PIGT: variants seen among roughly 807,000 people sequenced by gnomAD.
The protein encoded by PIGT is phosphatidylinositol glycan anchor biosynthesis class T, also known as GPI-anchor transamidase component PIGT.
In PIGT, 57 loss-of-function variants were observed where a neutral mutation model predicts 66.7. The ratio of observed to expected loss-of-function variants is 0.86; its 90% CI spans 0.69 to 1.07. The LOEUF is 1.07. Among genes scored for constraint, PIGT ranks in the 50% least tolerant of loss-of-function variants. PIGT has a pLI of 0.00. For missense variants in PIGT, 725 were observed against 740.4 expected, an observed-to-expected ratio of 0.98 and a Z score of 0.24; for synonymous variants, 362 against 320.5, an observed-to-expected ratio of 1.13 and a Z score of -1.38.
At chr20:45,420,939 A>C (rs1192610717) in intron 8 of PIGT, 1 of 575,684 alleles carries the variant, frequency 1.7e-6, no homozygotes, top group Non-Finnish European at 3.1e-6. Context: ...TGAAAAATGG[A>C]GTTAGTTCAT....
intron 9 of PIGT, chr20:45,422,778 C>T (rs1990448557): frequency 6.6e-6 from 1 of 152,170 alleles, no homozygotes; most frequent in African/African-American, 2.4e-5. Flanking sequence ...CCTTTAAATA[C>T]TTTAAGGATT....
At position 45,418,620 on chromosome 20, in the gene PIGT, C is replaced by T. The variant is rs148053052; in HGVS notation, c.366-232C>T. 6.3e-4 allele frequency: 312 copies of T among 496,110 alleles called. 1 individual carries two copies. Among genetic ancestry groups the T allele is most frequent in the Non-Finnish European group, 8.3e-4 (225 of 270,084 alleles). 30.7% of individuals were successfully genotyped at this position (496,110 alleles called of 1,614,324 possible). A position where few individuals can be genotyped will look rare whatever the true frequency, so the allele number is the denominator to read the frequency against. ...GAAGGAAGAATCACCTGAGCAGAGA[C>T]CCATGGGGATGCAGAGATGTCCAGA... On this transcript the variant is annotated intron_variant, in intron 2 of 11. Transcript: ENST00000279036.
Position 45,424,555 on chromosome 20 carries a change from AAG to A in PIGT, c.1465_1466del (p.Phe492GlnfsTer8), listed in dbSNP as rs1367941996. The A allele has an allele frequency of 2.5e-6, 4 of 1,613,894 alleles. No individual in the cohort carries two copies. Among genetic ancestry groups the A allele is most frequent in the African/African-American group, 2.7e-5 (2 of 74,898 alleles). On this transcript the variant is annotated frameshift_variant, in exon 11 of 12. Coordinates refer to ENST00000279036, the MANE Select transcript of PIGT (RefSeq NM_015937.6). LOFTEE classifies it high-confidence loss of function. The stretch of plus-strand genomic sequence containing the variant: ...GTAGCAGCCAAGCCAGTGGACTGGG[AAG>A]AGAGTCCCCTCTTCAACAGCCTGTA...
Position 45,416,579 on chromosome 20 carries a change from G to T in PIGT, c.250G>T (p.Glu84Ter), listed in dbSNP as rs756632799. 1.2e-5 allele frequency: 20 copies of T among 1,614,056 alleles called. No homozygotes were observed. The East Asian group carries it at 4.5e-4, about 36-fold the overall frequency. Residue 84 changes from glutamate to a stop codon, truncating the protein, a stop_gained, in exon 2 of 12, where the codon GAG (glutamate) becomes TAG (stop). Coordinates refer to ENST00000279036, the MANE Select transcript of PIGT (RefSeq NM_015937.6). LOFTEE classifies it high-confidence loss of function. The part of the protein sequence containing the change: ...GQLISKYSLR[E>*]LHLSFTQGFW... The stretch of plus-strand genomic sequence containing the variant: ...GCTGATCTCCAAGTATTCTCTACGG[G>T]AGCTGCACCTGTCATTCACACAAGG...
At chr20:45,421,053 A>G (rs1990328962) in intron 8 of PIGT, 1 of 510,758 alleles carries the variant, frequency 2.0e-6, no homozygotes, top group African/African-American at 1.9e-5. Flanking sequence ...TAAGTCTACT[A>G]GCTAGGGCAG....
Position 45,416,638 on chromosome 20 carries a change from C to A in PIGT, c.309C>A (p.Phe103Leu), listed in dbSNP as rs747604533. 7 of 1,614,038 alleles carry A rather than the reference C, an allele frequency of 4.3e-6. No homozygotes were observed. Among genetic ancestry groups the A allele is most frequent in the Non-Finnish European group, 5.9e-6 (7 of 1,180,036 alleles). Residue 103 changes from phenylalanine to leucine, a missense_variant, in exon 2 of 12, where the codon TTC (phenylalanine) becomes TTA (leucine). Physicochemically the swap from Phe to Leu is conservative, Grantham distance 22. Coordinates refer to ENST00000279036, the MANE Select transcript of PIGT (RefSeq NM_015937.6). ...FWRTRYWGPP[F>L]LQAPSGAELW... The stretch of plus-strand genomic sequence containing the variant: ...GGACCCGATACTGGGGGCCACCCTT[C>A]CTGCAGGCCCCATCAGGTGCAGAGC...
intron 8 of PIGT, 190 bp from the exon 9 acceptor site, chr20:45,421,193 C>T (rs1265295755): frequency 3.3e-6 from 2 of 600,330 alleles, no homozygotes; most frequent in Non-Finnish European, 2.9e-6. Flanking sequence ...ATACTAGCAA[C>T]CTATTGTCAT....
chr20:45,420,422 A>G lies in PIGT; in HGVS notation c.860A>G (p.Tyr287Cys). The stretch of plus-strand genomic sequence containing the variant: ...CGAGTCTATGTGGACATCACCACCT[A>G]CAACCAGGTAACAAGGTCTCCAGCC... Reference protein sequence around the residue: ...ESRVYVDITTYNQDNETLEVH... With the variant: ...ESRVYVDITTCNQDNETLEVH... The change falls in exon 7 of 12, where the codon TAC becomes TGC. Residue 287 changes from tyrosine (Y) to cysteine (C), a missense_variant. Transcript: ENST00000279036. 1 of 1,613,086 alleles carries G rather than the reference A, an allele frequency of 6.2e-7. No individual in the cohort carries two copies. Among genetic ancestry groups the G allele is most frequent in the Non-Finnish European group, 8.5e-7 (1 of 1,179,522 alleles).
In PIGT at chr20:45,420,583, T is replaced by TC; in HGVS notation, c.925dup (p.Leu309ProfsTer11). The TC allele has an allele frequency of 6.2e-7, 1 of 1,613,686 alleles. No individual in the cohort carries two copies. The highest frequency in any genetic ancestry group is 2.2e-5 in the East Asian group (1 of 44,768). On this transcript the variant is annotated frameshift_variant, in exon 8 of 12. Transcript: ENST00000279036. LOFTEE classifies it high-confidence loss of function. ...CCGACCACTACATATCAGGACGTCA[T>TC]CCTAGGCACTCGGAAGACCTATGCC...
intron 8 of PIGT, 28 bp from the exon 9 acceptor site, chr20:45,421,355 T>A (rs781371690): frequency 6.3e-7 from 1 of 1,593,934 alleles, no homozygotes; most frequent in African/African-American, 1.3e-5. Flanking sequence ...CTTTGGCAGC[T>A]GTTAACTGTT....
chr20:45,420,464 C>T (rs564603899), intron 7 of PIGT, 35 bp downstream of exon 7: 17 of 1,606,184 alleles, frequency 1.1e-5, no homozygotes, highest in Middle Eastern at 1.6e-4. Flanking sequence ...ACAAACACAC[C>T]GCTGGTCCCC....
chr20:45,425,686 T>G lies in PIGT; in HGVS notation c.1597T>G (p.Cys533Gly), dbSNP rs368489270. 99 of 1,614,020 alleles carry G rather than the reference T, an allele frequency of 6.1e-5. No homozygotes were observed. Among genetic ancestry groups the G allele is most frequent in the Non-Finnish European group, 7.9e-5 (93 of 1,180,018 alleles). Residue 533 changes from cysteine (C) to glycine (G), a missense_variant, in exon 12 of 12, where the codon TGC becomes GGC. By Grantham distance (159) the Cys-to-Gly change is radical. This residue lies in a region of PIGT where 162 missense variants were observed against 171.1 expected (regional missense o/e 0.95). Coordinates refer to ENST00000279036, the MANE Select transcript of PIGT (RefSeq NM_015937.6). ...GCCCTACAACGTGATCTGCCTCACG[T>G]GCACTGTGGTGGCCGTGTGCTATGG... ...SMPYNVICLT[C>G]TVVAVCYGSF...
chr20:45,416,255 A>G lies in PIGT; in HGVS notation c.99A>G (p.Glu33=), dbSNP rs768931580. ...CCCCACGCGACAGCCTGCGGGAGGA[A>G]CTTGTCATCACCCCGCTGCCTTCCG... ...AEPPRDSLRE[E]LVITPLPSGD... The change falls in exon 1 of 12, where the codon GAA becomes GAG. Residue 33 remains glutamate, a synonymous_variant. Coordinates refer to ENST00000279036, the MANE Select transcript of PIGT (RefSeq NM_015937.6). 3.1e-6 allele frequency: 5 copies of G among 1,595,532 alleles called. No individual in the cohort carries two copies. Among genetic ancestry groups the G allele is most frequent in the East Asian group, 2.3e-5 (1 of 43,824 alleles).
chr20:45,420,226 A>C lies in PIGT; in HGVS notation c.769+3A>C, dbSNP rs1330695878. On this transcript the variant is annotated splice_donor_region_variant and intron_variant, in intron 6 of 11. Transcript: ENST00000279036. ...CATCACGGGGCAGGGAAAGAAAGGT[A>C]AGTTACCTTGGCAACTCATCTGTAC... 1.2e-6 allele frequency: 2 copies of C among 1,608,986 alleles called. No individual in the cohort carries two copies. Among genetic ancestry groups the C allele is most frequent in the Non-Finnish European group, 1.7e-6 (2 of 1,177,036 alleles).
chr20:45,425,621 A>T lies in PIGT; in HGVS notation c.1532A>T (p.Glu511Val). Residue 511 changes from glutamate to valine, a missense_variant, in exon 12 of 12, where the codon GAG becomes GTG. Glu to Val is a moderately radical substitution (Grantham distance 121, BLOSUM62 -2). This residue lies in a region of PIGT where 162 missense variants were observed against 171.1 expected (regional missense o/e 0.95). Coordinates refer to ENST00000279036, the MANE Select transcript of PIGT (RefSeq NM_015937.6). Reference protein sequence around the residue: ...GSNYFVRLYTEPLLVNLPTPD... With the variant: ...GSNYFVRLYTVPLLVNLPTPD... The stretch of plus-strand genomic sequence containing the variant: ...AACTACTTTGTGCGGCTCTACACGG[A>T]GCCGCTGCTGGTGAACCTGCCGACA... 6.2e-7 allele frequency: 1 copy of T among 1,613,942 alleles called. No homozygotes were observed. Among genetic ancestry groups the T allele is most frequent in the Non-Finnish European group, 8.5e-7 (1 of 1,179,970 alleles).
chr20:45,416,349 G>A lies in PIGT; in HGVS notation c.187+6G>A. On this transcript the variant is annotated splice_donor_region_variant and intron_variant, in intron 1 of 11. Coordinates refer to ENST00000279036, the MANE Select transcript of PIGT (RefSeq NM_015937.6). ...GGAGCTTCAGCGGGAAGGAGGTGAG[G>A]GCGCGAGATCTGACCAGGGAAAGAT... 8.2e-6 allele frequency: 13 copies of A among 1,579,802 alleles called. No homozygotes were observed. Among genetic ancestry groups the A allele is most frequent in the Non-Finnish European group, 1.1e-5 (13 of 1,160,352 alleles).
At position 45,425,819 on chromosome 20, in the gene PIGT, C is replaced by G. The variant is rs111410446; in HGVS notation, c.1730C>G (p.Pro577Arg). 8.1e-6 allele frequency: 13 copies of G among 1,613,084 alleles called. No homozygotes were observed. Among genetic ancestry groups the G allele is most frequent in the South Asian group, 4.4e-5 (4 of 91,054 alleles). Residue 577 changes from proline (P) to arginine (R), a missense_variant, in exon 12 of 12, where the codon CCA (proline) becomes CGA (arginine). Coordinates refer to ENST00000279036, the MANE Select transcript of PIGT (RefSeq NM_015937.6). Reference protein sequence around the residue: ...NLIRRARGVPPL With the variant: ...NLIRRARGVPRL ...ATCCGGCGCGCCCGAGGTGTCCCCC[C>G]ACTCTGATTCTTGCCCTTTCCAGCA...
rs1989977016 is a variant in PIGT, at chr20:45,416,419, C to T, written c.187+76C>T. 7 of 1,556,428 alleles carry T rather than the reference C, an allele frequency of 4.5e-6. No homozygotes were observed. The Admixed American group carries it at 1.1e-4, about 24-fold the overall frequency. Reference sequence around the variant, plus strand: ...TGGCCGGCCGTGGGATGAAGGCAAACTTTGGGGGCGGGGCCTAATTCCTGG... The same window carrying T: ...TGGCCGGCCGTGGGATGAAGGCAAATTTTGGGGGCGGGGCCTAATTCCTGG... On this transcript the variant is annotated intron_variant, in intron 1 of 11. Coordinates refer to ENST00000279036, the MANE Select transcript of PIGT (RefSeq NM_015937.6).
intron 8 of PIGT, 33 bp from the exon 9 acceptor site, chr20:45,421,350 G>A: frequency 6.3e-7 from 1 of 1,582,820 alleles, no homozygotes; most frequent in East Asian, 2.3e-5. Context: ...CTTACCTTTG[G>A]CAGCTGTTAA....
Sources: gnomAD v4.1 joint callset for allele counts on GRCh38, gnomAD v4.1.1 for gene constraint, gnomAD v4.1.1 regional missense constraint, MANE v1.5 for transcripts, NCBI Gene and HGNC (gene_info 2026-07-23, HGNC 2026-07-21) for gene names.